TUBGCP5: variants seen among roughly 807,000 people sequenced by gnomAD.
TUBGCP5 encodes the protein tubulin gamma complex component 5, also known as gamma-tubulin complex component 5.
Under a neutral mutation model 134.7 loss-of-function variants are expected in TUBGCP5, and 98 were observed. That is an observed-to-expected ratio of 0.73 (90% confidence interval 0.62 to 0.86). The LOEUF (loss-of-function observed/expected upper bound fraction) is 0.86, where lower values mean the gene tolerates loss of function less well. Among genes scored for constraint, TUBGCP5 ranks in the 40% least tolerant of loss-of-function variants. The pLI, the probability that TUBGCP5 is intolerant of heterozygous loss-of-function variation, is 0.00. For synonymous variants in TUBGCP5, 456 were observed against 431.4 expected (o/e 1.06, Z -0.71); for missense variants, 1,150 against 1,244.8 (o/e 0.92, Z 1.15).
intron 23 of TUBGCP5, among the ~76,000 whole-genome samples, chr15:22,988,090 C>T (rs530360267): frequency 2.4e-4 from 36 of 151,740 alleles, no homozygotes; most frequent in Middle Eastern, 3.4e-3. Context: ...CTGTTTATAG[C>T]CACCCAGTCT....
chr15:23,011,281 G>A lies in TUBGCP5; in HGVS notation c.1807C>T (p.Arg603Cys), dbSNP rs1467502804. The change falls in exon 14 of 23, where the codon CGT (arginine) becomes TGT (cysteine). Residue 603 changes from arginine (R) to cysteine (C), a missense_variant. This residue lies in a region of TUBGCP5 where 697 missense variants were observed against 850.1 expected (regional missense o/e 0.82). Coordinates refer to ENST00000615383, the MANE Select transcript of TUBGCP5 (RefSeq NM_052903.6). ...GTGGAATCTTCTCCATGTCGAAGAC[G>A]GGACTGTACAGATTCCAGAAAGAGA... Reference protein sequence around the residue: ...YTLFLESVQSRLRHGEDSTPQ... With the variant: ...YTLFLESVQSCLRHGEDSTPQ... 1.9e-6 allele frequency: 3 copies of A among 1,613,788 alleles called. No homozygotes were observed. The highest frequency in any genetic ancestry group is 2.5e-6 in the Non-Finnish European group (3 of 1,179,986).
chr15:22,987,607 C>G lies in TUBGCP5; in HGVS notation c.*62-3996G>C, dbSNP rs73411380. Among the ~76,000 whole-genome samples the G allele has an allele frequency of 4.2e-3, 629 of 151,484 alleles. 5 individuals carry two copies. The highest frequency in any genetic ancestry group is 0.021 in the Middle Eastern group (6 of 292). On this transcript the variant is annotated intron_variant and NMD_transcript_variant, in intron 23 of 23. Coordinates refer to the TUBGCP5 transcript ENST00000614508. The stretch of plus-strand genomic sequence containing the variant: ...GATTTGTGCCCTTATAAAAGACACC[C>G]CAGAGGGGGCCAGGCGCGGTGGCTC...
chr15:23,023,828 C>A, intron 10 of TUBGCP5, 119 bp downstream of exon 10: 1 of 871,780 alleles, frequency 1.1e-6, no homozygotes, highest in African/African-American at 1.7e-5. Flanking sequence ...TTAAAAGAAG[C>A]ATTCACGAGA....
At chr15:23,034,079 G>C (rs544661993) in intron 3 of TUBGCP5, among the ~76,000 whole-genome samples, 1 of 152,296 alleles carries the variant, frequency 6.6e-6, no homozygotes, top group Non-Finnish European at 1.5e-5. Context: ...ACTGGCAAAT[G>C]TGTTCTGTAT....
chr15:23,017,216 A>T (rs886675513), intron 13 of TUBGCP5, among the ~76,000 whole-genome samples: 33 of 152,026 alleles, frequency 2.2e-4, no homozygotes, highest in African/African-American at 7.7e-4. Context: ...GTTAAAGGAT[A>T]CAAATAGCTA....
chr15:22,997,972 T>G (rs1307024992), downstream of TUBGCP5, among the ~76,000 whole-genome samples: 1 of 152,074 alleles, frequency 6.6e-6, no homozygotes, highest in East Asian at 1.9e-4. Flanking sequence ...AAAAATTTAA[T>G]AGTAAGCATA....
At chr15:23,003,640 T>TTTG (rs2064527086) in intron 20 of TUBGCP5, among the ~76,000 whole-genome samples, 2 of 102,516 alleles carry the variant, frequency 2.0e-5, no homozygotes, top group African/African-American at 6.9e-5. Context: ...CTGTTTTTTT[T>TTTG]TTTTTTTTTT....
chr15:23,037,048 T>G (rs368676166), intron 2 of TUBGCP5, 43 bp from the exon 3 acceptor site: 11 of 1,595,934 alleles, frequency 6.9e-6, no homozygotes, highest in Non-Finnish European at 8.5e-6. Flanking sequence ...TAAAAAGATC[T>G]ATAAGAAAAT....
intron 1 of TUBGCP5, among the ~76,000 whole-genome samples, chr15:23,038,003 A>T (rs2066695825): frequency 6.6e-6 from 1 of 152,142 alleles, no homozygotes. Context: ...TGACCTCGTG[A>T]TCCACCCACC....
intron 3 of TUBGCP5, among the ~76,000 whole-genome samples, chr15:23,034,818 T>C (rs966848236): frequency 1.3e-5 from 2 of 151,708 alleles, no homozygotes; most frequent in Admixed American, 1.3e-4. Flanking sequence ...CAGAGCAAGA[T>C]TCCGTCTCAA....
intron 20 of TUBGCP5, among the ~76,000 whole-genome samples, chr15:23,003,654 TTTTTTTTA>T: frequency 7.7e-6 from 1 of 130,540 alleles, no homozygotes; most frequent in African/African-American, 2.8e-5. Flanking sequence ...TTTTTTTTTT[TTTTTTTTA>T]AGAGACAAGG....
downstream of TUBGCP5, among the ~76,000 whole-genome samples, chr15:22,996,357 G>T (rs538536842): frequency 1.4e-4 from 22 of 152,156 alleles, no homozygotes; most frequent in South Asian, 4.4e-3. Flanking sequence ...TAAAAAAAAT[G>T]TCTTGGGCTG....
intron 20 of TUBGCP5, 141 bp downstream of exon 20, chr15:23,003,961 T>C (rs535730171): frequency 5.9e-5 from 68 of 1,145,482 alleles, no homozygotes; most frequent in Admixed American, 3.2e-4. Flanking sequence ...CCTGGGGCAT[T>C]TGTTTGTAAC....
intron 13 of TUBGCP5, among the ~76,000 whole-genome samples, chr15:23,012,957 C>T (rs2065121010): frequency 6.6e-6 from 1 of 151,988 alleles, no homozygotes; most frequent in Admixed American, 6.6e-5. Flanking sequence ...AAAAAATTAG[C>T]CGGGCGTAGT....
Position 23,033,281 on chromosome 15 carries a change from AT to A in TUBGCP5, c.310-458del, listed in dbSNP as rs368571003. Among the ~76,000 whole-genome samples the A allele has an allele frequency of 6.4e-3, 964 of 151,252 alleles. 11 individuals carry two copies. Among genetic ancestry groups the A allele is most frequent in the African/African-American group, 0.021 (869 of 41,192 alleles). Reference sequence around the variant, plus strand: ...CTATCACAAACTTATGTTGTTTCATATTTTTTTTCCCCCCGAGATGGATTTT... The same window carrying A: ...CTATCACAAACTTATGTTGTTTCATATTTTTTTCCCCCCGAGATGGATTTT... On this transcript the variant is annotated intron_variant, in intron 3 of 22. Transcript: ENST00000615383.
At chr15:22,993,685 C>T (rs1323483583) in intron 23 of TUBGCP5, among the ~76,000 whole-genome samples, 2 of 151,514 alleles carry the variant, frequency 1.3e-5, no homozygotes, top group Non-Finnish European at 2.9e-5. Flanking sequence ...GCTGGGATTA[C>T]AGGTATGCAC....
chr15:23,036,890 G>A lies in TUBGCP5; in HGVS notation c.309+7C>T. ...ACACAGTGGAGATCTCATAATTGAA[G>A]GCATACCTTTATTTCCTTTATACTG... On this transcript the variant is annotated splice_region_variant and intron_variant, in intron 3 of 22. Transcript: ENST00000615383. The A allele has an allele frequency of 6.6e-7, 1 of 1,525,672 alleles. No individual in the cohort carries two copies. The highest frequency in any genetic ancestry group is 9.0e-7 in the Non-Finnish European group (1 of 1,107,142). 94.5% of individuals were successfully genotyped at this position (1,525,672 alleles called of 1,614,324 possible). A position where few individuals can be genotyped will look rare whatever the true frequency, so the allele number is the denominator to read the frequency against.
chr15:22,996,038 G>A (rs1426900544), downstream of TUBGCP5, among the ~76,000 whole-genome samples: 4 of 152,170 alleles, frequency 2.6e-5, no homozygotes. Context: ...CCGTCATCAG[G>A]ATGTTTCTAG....
chr15:23,005,281 A>G, intron 19 of TUBGCP5, 151 bp downstream of exon 19: 1 of 855,162 alleles, frequency 1.2e-6, no homozygotes, highest in Admixed American at 2.8e-5. Context: ...CATTCCTCCC[A>G]CTGCCATGTT....
Sources: gnomAD v4.1 joint callset for allele counts (sites outside exome capture counted in the v4.1 genomes callset) on GRCh38, gnomAD v4.1.1 for gene constraint, gnomAD v4.1.1 regional missense constraint, MANE v1.5 for transcripts, NCBI Gene and HGNC (gene_info 2026-07-23, HGNC 2026-07-21) for gene names.